BTD: variants seen among roughly 807,000 people sequenced by gnomAD.
The protein encoded by BTD is biotinidase, also known as biocytinase.
BTD carries 13 observed loss-of-function variants against 17.7 expected under a neutral mutation model. The ratio of observed to expected loss-of-function variants is 0.74; its 90% CI spans 0.48 to 1.17. BTD has a LOEUF of 1.17. Among genes scored for constraint, BTD ranks in the 50% most tolerant of loss-of-function variants. The probability of loss-of-function intolerance (pLI) is 0.00; values close to 1 mark genes in which losing one functional copy is unlikely to be tolerated. For synonymous variants in BTD, 240 were observed against 245.2 expected (o/e 0.98, Z 0.20); for missense variants, 674 against 650.4 (o/e 1.04, Z -0.39).
intron 3 of BTD, chr3:15,694,651 T>C: frequency 2.8e-6 from 3 of 1,083,392 alleles, no homozygotes; most frequent in Non-Finnish European, 4.1e-6. Flanking sequence ...CAAAAGTTTA[T>C]GGTACTAGTT....
intron 3 of BTD, among the ~76,000 whole-genome samples, chr3:15,660,938 GGCTGA>G (rs924731744): frequency 3.3e-5 from 5 of 152,064 alleles, no homozygotes; most frequent in Non-Finnish European, 7.4e-5. Context: ...CTTCCGAAGT[GGCTGA>G]GCCATTTTGC....
At chr3:15,710,578 T>C (rs1192661914) in exon 4 of BTD, among the ~76,000 whole-genome samples, 1 of 152,214 alleles carries the variant, frequency 6.6e-6, no homozygotes, top group African/African-American at 2.4e-5. Flanking sequence ...TCATTGAGAA[T>C]AACGTTTTTG....
intron 3 of BTD, among the ~76,000 whole-genome samples, chr3:15,672,288 C>T (rs941018264): frequency 5.9e-5 from 9 of 151,970 alleles, no homozygotes; most frequent in Admixed American, 5.9e-4. Context: ...TGACTATAGG[C>T]ACATGCCATG....
chr3:15,633,293 C>T (rs2065260374), intron 1 of BTD, among the ~76,000 whole-genome samples: 1 of 152,016 alleles, frequency 6.6e-6, no homozygotes, highest in Admixed American at 6.6e-5. Flanking sequence ...GCTGACTAGA[C>T]CTATTTTTAT....
At chr3:15,666,871 C>A (rs1378265023) in intron 3 of BTD, among the ~76,000 whole-genome samples, 3 of 152,208 alleles carry the variant, frequency 2.0e-5, no homozygotes, top group Non-Finnish European at 4.4e-5. Context: ...TTCCATGACG[C>A]CTGTTCTGAT....
chr3:15,676,177 C>T, intron 3 of BTD: 1 of 418,014 alleles, frequency 2.4e-6, no homozygotes, highest in South Asian at 7.8e-5. Flanking sequence ...ACTGTCACAC[C>T]TTGTCAACGT....
rs1328138854 is a variant in BTD at position 15,645,147 on chromosome 3, C to T, written c.1231C>T (p.Pro411Ser). Residue 411 changes from proline to serine, a missense_variant, in exon 4 of 4, where the codon CCC becomes TCC. Coordinates refer to ENST00000643237, the MANE Select transcript of BTD (RefSeq NM_001370658.1). ...GLCCYLLYER[P>S]TLSKELYALG... Reference sequence around the variant, plus strand: ...CTGCTGTTATTTACTTTACGAGAGGCCCACCTTATCCAAAGAGCTGTATGC... The same window carrying T: ...CTGCTGTTATTTACTTTACGAGAGGTCCACCTTATCCAAAGAGCTGTATGC... 6.2e-7 allele frequency: 1 copy of T among 1,614,202 alleles called. No individual in the cohort carries two copies. The highest frequency in any genetic ancestry group is 1.1e-5 in the South Asian group (1 of 91,080).
chr3:15,655,130 G>T (rs931643752), downstream of BTD, among the ~76,000 whole-genome samples: 1 of 152,140 alleles, frequency 6.6e-6, no homozygotes, highest in Non-Finnish European at 1.5e-5. Flanking sequence ...CAGTAAACAC[G>T]CACATCTTCA....
At chr3:15,710,829 T>C (rs951913724) in exon 4 of BTD, among the ~76,000 whole-genome samples, 7 of 152,126 alleles carry the variant, frequency 4.6e-5, no homozygotes, top group African/African-American at 1.7e-4. Flanking sequence ...AACATTTTTT[T>C]CCTGGGGGAA....
At position 15,646,051 on chromosome 3, in the gene BTD, AC is replaced by A. The variant is rs2065688292; in HGVS notation, c.*565del. ...GCCACCAGCAACGTCAGAAACGTAG[AC>A]CTTAAAGCGGCTTTTAAAAATAGAA... is the stretch of plus-strand genomic sequence containing the variant. On this transcript the variant is annotated 3_prime_UTR_variant, in exon 4 of 4. Transcript: ENST00000643237. 6.6e-6 allele frequency: 1 copy of A among 152,472 alleles called. No homozygotes were observed. Among genetic ancestry groups the A allele is most frequent in the Non-Finnish European group, 1.5e-5 (1 of 68,294 alleles). 9.4% of individuals were successfully genotyped at this position (152,472 alleles called of 1,614,324 possible). A position where few individuals can be genotyped will look rare whatever the true frequency, so the allele number is the denominator to read the frequency against.
At chr3:15,679,628 A>T in intron 3 of BTD, 1 of 1,279,900 alleles carries the variant, frequency 7.8e-7, no homozygotes. Context: ...TCACAGGTAC[A>T]TGTAAGTGTT....
intron 3 of BTD, among the ~76,000 whole-genome samples, chr3:15,707,758 T>C (rs2071653845): frequency 6.6e-6 from 1 of 152,226 alleles, no homozygotes; most frequent in African/African-American, 2.4e-5. Context: ...ATAACTATGA[T>C]TTATCAATAA....
At chr3:15,666,883 T>C (rs369587873) in intron 3 of BTD, among the ~76,000 whole-genome samples, 11 of 152,346 alleles carry the variant, frequency 7.2e-5, no homozygotes, top group African/African-American at 2.4e-4. Context: ...TGTTCTGATC[T>C]TCCCTCCCAA....
At chr3:15,661,176 G>A (rs922180508) in intron 3 of BTD, among the ~76,000 whole-genome samples, 1 of 146,360 alleles carries the variant, frequency 6.8e-6, no homozygotes, top group Non-Finnish European at 1.5e-5. Flanking sequence ...TGAGGCAGGA[G>A]AATCACTTGA....
In BTD at chr3:15,651,071, G is replaced by T. The variant is rs1269744411; in HGVS notation, c.*5583G>T. ...GCGTGAGCCACCGTACCCGGCCAGG[G>T]CTGTGATATTCTGATCAGCCAGCAC... is the stretch of plus-strand genomic sequence containing the variant. On this transcript the variant is annotated 3_prime_UTR_variant, in exon 4 of 4. Transcript: ENST00000643237. Among the ~76,000 whole-genome samples, 1 of 152,036 alleles carries T rather than the reference G, an allele frequency of 6.6e-6. No homozygotes were observed. The highest frequency in any genetic ancestry group is 2.4e-5 in the African/African-American group (1 of 41,434).
chr3:15,614,309 A>G (rs1426791939), intron 1 of BTD, among the ~76,000 whole-genome samples: 8 of 151,846 alleles, frequency 5.3e-5, no homozygotes, highest in African/African-American at 1.7e-4. Flanking sequence ...TACTTTTTGT[A>G]GAGATTATAT....
chr3:15,601,501 A>T (rs533115872), upstream of BTD: 1 of 1,610,152 alleles, frequency 6.2e-7, no homozygotes, highest in African/African-American at 1.3e-5. Context: ...CGCAGCCGGC[A>T]AACAAGCGGA....
intron 3 of BTD, among the ~76,000 whole-genome samples, chr3:15,694,322 C>G (rs2069217173): frequency 1.3e-5 from 2 of 152,066 alleles, no homozygotes; most frequent in African/African-American, 4.8e-5. Flanking sequence ...CAAGTTAGCA[C>G]CCCAAGATCA....
intron 3 of BTD, chr3:15,668,922 A>G (rs2066127294): frequency 6.6e-6 from 1 of 152,654 alleles, no homozygotes; most frequent in Admixed American, 6.5e-5. Context: ...AAGACCCTCA[A>G]TGTATATGAA....
Sources: gnomAD v4.1 joint callset for allele counts (sites outside exome capture counted in the v4.1 genomes callset) on GRCh38, gnomAD v4.1.1 for gene constraint, MANE v1.5 for transcripts, NCBI Gene and HGNC (gene_info 2026-07-23, HGNC 2026-07-21) for gene names.